Variants in DENND1B observed in about 807,000 individuals in gnomAD.
The protein encoded by DENND1B is DENN domain containing 1B.
A neutral mutation model predicts 90.1 loss-of-function variants in DENND1B; 59 were observed. That is an observed-to-expected ratio of 0.65 (90% confidence interval 0.53 to 0.81). The LOEUF (loss-of-function observed/expected upper bound fraction) is 0.81. Among genes scored for constraint, DENND1B ranks in the 40% least tolerant of loss-of-function variants. The probability of loss-of-function intolerance (pLI) is 0.00; values close to 1 mark genes in which losing one functional copy is unlikely to be tolerated. For synonymous variants in DENND1B, 337 were observed against 324.6 expected, an observed-to-expected ratio of 1.04 and a Z score of -0.41; for missense variants, 862 against 912.6, an observed-to-expected ratio of 0.94 and a Z score of 0.71.
At chr1:197,736,209 C>A (rs1662672845) in intron 2 of DENND1B, 1 of 431,032 alleles carries the variant, frequency 2.3e-6, no homozygotes, top group Non-Finnish European at 4.3e-6. Context: ...TGATTTCAAG[C>A]TCAATTTTAA....
Position 197,509,466 on chromosome 1 carries a change from G to GT in DENND1B, c.*993dup, listed in dbSNP as rs1243425007. 6.6e-6 allele frequency: 1 copy of GT among 151,730 alleles called. No homozygotes were observed. Among genetic ancestry groups the GT allele is most frequent in the Non-Finnish European group, 1.5e-5 (1 of 67,792 alleles). 9.4% of individuals were successfully genotyped at this position (151,730 alleles called of 1,614,324 possible). A position where few individuals can be genotyped will look rare whatever the true frequency, so the allele number is the denominator to read the frequency against. On this transcript the variant is annotated 3_prime_UTR_variant, in exon 23 of 23. Coordinates refer to ENST00000620048, the MANE Select transcript of DENND1B (RefSeq NM_001195215.2). ...ATTGGGGCAGATGTACCATAGTAACGTAAGATGTTAGTAACAGGGGTAGAT... is the reference window on the plus strand; with the variant it reads ...ATTGGGGCAGATGTACCATAGTAACGTTAAGATGTTAGTAACAGGGGTAGAT...
Position 197,511,253 on chromosome 1 carries a change from A to G in DENND1B, c.1816-281T>C, listed in dbSNP as rs191522151. Among the ~76,000 whole-genome samples the G allele has an allele frequency of 1.1e-4, 16 of 151,902 alleles. No individual in the cohort carries two copies. The East Asian group carries it at 2.9e-3, about 28-fold the overall frequency. ...CACTTACTATCAGAACAGGATTGTC[A>G]TTACTCATACTTCTATCTCTGCTGT... On this transcript the variant is annotated intron_variant, in intron 22 of 22. Transcript: ENST00000620048.
chr1:197,728,878 T>C (rs1276715574), intron 2 of DENND1B, among the ~76,000 whole-genome samples: 1 of 152,170 alleles, frequency 6.6e-6, no homozygotes, highest in Non-Finnish European at 1.5e-5. Context: ...AAACCAGTGT[T>C]GCAAAATTCT....
chr1:197,670,015 T>A (rs145307321), intron 5 of DENND1B, among the ~76,000 whole-genome samples: 3 of 152,160 alleles, frequency 2.0e-5, no homozygotes, highest in African/African-American at 7.2e-5. Context: ...AAAAATAATT[T>A]GATTATTGTA....
At position 197,772,194 on chromosome 1, in the gene DENND1B, T is replaced by C. The variant is rs16841931; in HGVS notation, c.82+674A>G. Among the ~76,000 whole-genome samples, 805 of 152,282 alleles carry C rather than the reference T, an allele frequency of 5.3e-3. 3 individuals are homozygous for C. The highest frequency in any genetic ancestry group is 0.019 in the African/African-American group (775 of 41,542). ...GTACTAGCAGGAGAATGTGCACTAA[T>C]GTTTAAAAAAAGACACTAAATTTCC... On this transcript the variant is annotated intron_variant, in intron 2 of 22. Coordinates refer to ENST00000620048, the MANE Select transcript of DENND1B (RefSeq NM_001195215.2).
intron 3 of DENND1B, among the ~76,000 whole-genome samples, chr1:197,691,844 G>A (rs574718302): frequency 6.6e-6 from 1 of 151,982 alleles, no homozygotes; most frequent in African/African-American, 2.4e-5. Context: ...TACACTAAGT[G>A]AAATAAGCCA....
At chr1:197,529,658 T>C (rs1042158523) in intron 20 of DENND1B, among the ~76,000 whole-genome samples, 1 of 152,134 alleles carries the variant, frequency 6.6e-6, no homozygotes, top group African/African-American at 2.4e-5. Flanking sequence ...CTCAGATATA[T>C]ATAACTTTTA....
At chr1:197,746,862 T>C (rs1663806445) in intron 2 of DENND1B, 1 of 1,612,230 alleles carries the variant, frequency 6.2e-7, no homozygotes, top group African/African-American at 1.3e-5. Context: ...TTTTTGGCTT[T>C]TACAAAGTTG....
Position 197,589,656 on chromosome 1 carries a change from TACA to T in DENND1B, c.1047+5549_1047+5551del, listed in dbSNP as rs1452096383. ...AAATTGCTTGAGCTTAATCACTAAA[TACA>T]ACAACATTACTTACTGATAATGTTT... On this transcript the variant is annotated intron_variant, in intron 14 of 22. Transcript: ENST00000620048. 2.6e-5 allele frequency among the ~76,000 whole-genome samples: 4 copies of T among 152,274 alleles called. No homozygotes were observed. The East Asian group carries it at 5.8e-4, about 22-fold the overall frequency.
intron 6 of DENND1B, 100 bp downstream of exon 6, chr1:197,658,200 C>CAAAACA: frequency 2.1e-6 from 2 of 937,514 alleles, no homozygotes; most frequent in Non-Finnish European, 3.4e-6. Flanking sequence ...CATTAATGTA[C>CAAAACA]TTAATGTCAC....
chr1:197,714,143 T>A (rs1218004601), intron 3 of DENND1B, among the ~76,000 whole-genome samples: 1 of 150,968 alleles, frequency 6.6e-6, no homozygotes, highest in Admixed American at 6.6e-5. Flanking sequence ...CACACGGCTG[T>A]TTTGTATTTT....
chr1:197,666,917 G>A (rs1654996361), intron 5 of DENND1B, among the ~76,000 whole-genome samples: 1 of 152,064 alleles, frequency 6.6e-6, no homozygotes, highest in Non-Finnish European at 1.5e-5. Flanking sequence ...CAACACTTTG[G>A]GAGTTCAGGC....
At chr1:197,574,725 T>C (rs749215990) in intron 15 of DENND1B, among the ~76,000 whole-genome samples, 17 of 152,176 alleles carry the variant, frequency 1.1e-4, no homozygotes, top group Non-Finnish European at 2.2e-4. Context: ...AACAGCATGG[T>C]ACTGGTACCA....
intron 2 of DENND1B, among the ~76,000 whole-genome samples, chr1:197,723,975 A>G (rs1439439090): frequency 6.6e-6 from 1 of 152,162 alleles, no homozygotes; most frequent in East Asian, 1.9e-4. Flanking sequence ...ACTGCTCATA[A>G]AACAGCTTCA....
At chr1:197,668,952 A>G (rs1655212293) in intron 5 of DENND1B, among the ~76,000 whole-genome samples, 1 of 151,534 alleles carries the variant, frequency 6.6e-6, no homozygotes, top group Non-Finnish European at 1.5e-5. Flanking sequence ...TAATGGGCTC[A>G]TTTTTTTTAC....
chr1:197,545,875 G>A (rs1670775806), intron 18 of DENND1B, 47 bp downstream of exon 18: 2 of 1,471,006 alleles, frequency 1.4e-6, no homozygotes, highest in Admixed American at 2.1e-5. Flanking sequence ...CTAGGAAAAT[G>A]TTTTATAATT....
intron 2 of DENND1B, among the ~76,000 whole-genome samples, chr1:197,716,725 T>C (rs760538020): frequency 3.9e-5 from 6 of 151,920 alleles, no homozygotes; most frequent in Non-Finnish European, 8.8e-5. Flanking sequence ...TTCTTTCTCA[T>C]GAATAATGAA....
chr1:197,694,771 C>T (rs1489550999), intron 3 of DENND1B, among the ~76,000 whole-genome samples: 1 of 151,130 alleles, frequency 6.6e-6, no homozygotes, highest in Non-Finnish European at 1.5e-5. Flanking sequence ...TGGCTTGAAT[C>T]ATTTATATAG....
intron 6 of DENND1B, among the ~76,000 whole-genome samples, chr1:197,654,607 C>T (rs868348979): frequency 5.6e-4 from 83 of 148,310 alleles, no homozygotes; most frequent in African/African-American, 2.0e-3. Context: ...GTGACTCCGT[C>T]TCAAAAAAAA....
Sources: allele counts gnomAD v4.1 joint callset (sites outside exome capture counted in the v4.1 genomes callset), GRCh38; gene constraint gnomAD v4.1.1; transcripts MANE v1.5; gene names NCBI Gene and HGNC (gene_info 2026-07-23, HGNC 2026-07-21).